SHISA9: variants seen among roughly 807,000 people sequenced by gnomAD.
The protein encoded by SHISA9 is protein shisa-9.
In SHISA9, 13 loss-of-function variants were observed where a neutral mutation model predicts 38.0. That is an observed-to-expected ratio of 0.34 (90% CI 0.22 to 0.54). SHISA9 has a LOEUF of 0.54. Ranked by LOEUF, SHISA9 falls within the 20% of genes least tolerant of loss-of-function variation. SHISA9 has a pLI of 0.91. For missense variants in SHISA9, 538 were observed against 575.8 expected (o/e 0.93, Z 0.67); for synonymous variants, 275 against 242.0 (o/e 1.14, Z -1.27).
the SHISA9 span, among the ~76,000 whole-genome samples, chr16:13,459,628 A>T: frequency 2.2e-4 from 33 of 152,252 alleles, no homozygotes; most frequent in African/African-American, 7.2e-4. Context: ...TCAGATGGGT[A>T]AAGTATGCAT....
chr16:13,490,311 C>A, the SHISA9 span, among the ~76,000 whole-genome samples: 1 of 152,106 alleles, frequency 6.6e-6, no homozygotes, highest in Non-Finnish European at 1.5e-5. Flanking sequence ...ACCTGTAATC[C>A]CAGCACTTTG....
the SHISA9 span, among the ~76,000 whole-genome samples, chr16:13,282,390 G>T: frequency 6.6e-6 from 1 of 151,772 alleles, no homozygotes; most frequent in East Asian, 1.9e-4. Flanking sequence ...TTGTTCTCTT[G>T]AATTTTATGT....
intron 2 of SHISA9, among the ~76,000 whole-genome samples, chr16:13,181,564 G>A (rs1386657836): frequency 6.6e-6 from 1 of 151,956 alleles, no homozygotes; most frequent in Non-Finnish European, 1.5e-5. Context: ...CATGGTATGG[G>A]TTTTGATTTT....
chr16:13,327,445 A>G, the SHISA9 span, among the ~76,000 whole-genome samples: 4 of 151,986 alleles, frequency 2.6e-5, no homozygotes, highest in Non-Finnish European at 5.9e-5. Context: ...GTGAAACTCC[A>G]TCTCTACTAA....
the SHISA9 span, among the ~76,000 whole-genome samples, chr16:13,367,695 C>CGT: frequency 2.8e-5 from 2 of 71,854 alleles, no homozygotes; most frequent in South Asian, 8.6e-4. Flanking sequence ...CACGCGTGTG[C>CGT]GTGCGCGCGC....
intron 4 of SHISA9, 70 bp downstream of exon 4, chr16:13,213,370 A>T: frequency 1.4e-6 from 2 of 1,413,132 alleles, no homozygotes; most frequent in South Asian, 2.5e-5. Flanking sequence ...ATGAAGGGAT[A>T]GAGAGTCCTG....
the SHISA9 span, among the ~76,000 whole-genome samples, chr16:13,258,079 G>A: frequency 3.3e-5 from 5 of 152,242 alleles, no homozygotes; most frequent in Non-Finnish European, 5.9e-5. Context: ...CTGTAAGGCC[G>A]TGTAATTGTA....
At chr16:13,189,699 T>G (rs926419509) in intron 2 of SHISA9, among the ~76,000 whole-genome samples, 1 of 152,122 alleles carries the variant, frequency 6.6e-6, no homozygotes, top group African/African-American at 2.4e-5. Flanking sequence ...CAGAGTTAGT[T>G]TGGGGAAAAC....
chr16:13,545,512 G>A, the SHISA9 span, among the ~76,000 whole-genome samples: 2 of 152,236 alleles, frequency 1.3e-5, no homozygotes, highest in Non-Finnish European at 2.9e-5. Context: ...CAGGCAATTG[G>A]TTGAATAGCC....
chr16:13,342,376 C>A, the SHISA9 span, among the ~76,000 whole-genome samples: 7 of 152,164 alleles, frequency 4.6e-5, no homozygotes, highest in Admixed American at 1.3e-4. Context: ...CAACCTCCAT[C>A]TCCTGGGTTC....
In SHISA9 at chr16:12,914,909, C is replaced by T. The variant is rs997841955; in HGVS notation, c.564-1779C>T. Among the ~76,000 whole-genome samples, 16 of 152,266 alleles carry T rather than the reference C, an allele frequency of 1.1e-4. No homozygotes were observed. The East Asian group carries it at 1.2e-3, about 11-fold the overall frequency. On this transcript the variant is annotated intron_variant, in intron 1 of 4. Transcript: ENST00000558583. ...GGCGACACTGCTAGGACACTGACACCGTTGATAGGTGGACTGTTGTTTGAG... is the reference window on the plus strand; with the variant it reads ...GGCGACACTGCTAGGACACTGACACTGTTGATAGGTGGACTGTTGTTTGAG...
the SHISA9 span, among the ~76,000 whole-genome samples, chr16:13,464,319 C>G: frequency 6.6e-6 from 1 of 152,112 alleles, no homozygotes; most frequent in African/African-American, 2.4e-5. Context: ...CACACTTGGT[C>G]GATGCCACCA....
chr16:13,326,244 A>G, the SHISA9 span, among the ~76,000 whole-genome samples: 1 of 152,074 alleles, frequency 6.6e-6, no homozygotes, highest in African/African-American at 2.4e-5. Flanking sequence ...CTATTCAAAT[A>G]TTAATGATAA....
chr16:13,475,275 G>T, the SHISA9 span, among the ~76,000 whole-genome samples: 7 of 151,494 alleles, frequency 4.6e-5, no homozygotes, highest in Admixed American at 1.3e-4. Context: ...TTAGGGTTTT[G>T]CCTAAGGAAT....
At chr16:13,288,781 C>CTCTG in the SHISA9 span, among the ~76,000 whole-genome samples, 1 of 152,014 alleles carries the variant, frequency 6.6e-6, no homozygotes, top group African/African-American at 2.4e-5. Context: ...CAGAGCAAGA[C>CTCTG]TCTGTCTTAA....
the SHISA9 span, among the ~76,000 whole-genome samples, chr16:13,248,949 G>C: frequency 1.3e-5 from 2 of 152,124 alleles, no homozygotes; most frequent in Non-Finnish European, 2.9e-5. Context: ...CAAGGGAGCA[G>C]GGCTTTCATT....
chr16:13,063,884 T>C (rs1446540232), intron 2 of SHISA9, among the ~76,000 whole-genome samples: 1 of 152,236 alleles, frequency 6.6e-6, no homozygotes, highest in African/African-American at 2.4e-5. Context: ...TAACCCATTC[T>C]GACAGCCAGG....
chr16:13,074,058 C>G (rs1248617073), intron 2 of SHISA9, among the ~76,000 whole-genome samples: 1 of 150,800 alleles, frequency 6.6e-6, no homozygotes, highest in Non-Finnish European at 1.5e-5. Context: ...CAACCTCTAC[C>G]TCCCAGGTTC....
At chr16:13,233,353 T>A (rs16961473) in intron 4 of SHISA9, among the ~76,000 whole-genome samples, 2,276 of 151,896 alleles carry the variant, frequency 0.015, 22 homozygotes, top group Non-Finnish European at 0.02. Flanking sequence ...CTGGAGAGAG[T>A]GTAGTTAAAT....
Sources: allele counts gnomAD v4.1 joint callset (sites outside exome capture counted in the v4.1 genomes callset), GRCh38; gene constraint gnomAD v4.1.1; transcripts MANE v1.5; gene names NCBI Gene and HGNC (gene_info 2026-07-23, HGNC 2026-07-21).